ANKRD44: variants seen among roughly 807,000 people sequenced by gnomAD.
ANKRD44 encodes ankyrin repeat domain 44, also known as serine/threonine-protein phosphatase 6 regulatory ankyrin repeat subunit B.
ANKRD44 carries 35 observed loss-of-function variants against 116.0 expected under a neutral mutation model. The observed-to-expected ratio is 0.30, with a 90% CI of 0.23 to 0.40. The LOEUF is 0.40. ANKRD44 is among the 10% of genes least tolerant of loss of function. ANKRD44 has a pLI of 1.00. For synonymous variants in ANKRD44, 435 were observed against 461.8 expected (o/e 0.94, Z 0.74); for missense variants, 1,014 against 1,242.6 (o/e 0.82, Z 2.77).
intron 2 of ANKRD44, among the ~76,000 whole-genome samples, chr2:197,180,950 A>T (rs1367475915): frequency 1.8e-5 from 1 of 55,910 alleles, no homozygotes; most frequent in Non-Finnish European, 3.4e-5. Flanking sequence ...TCCCCTCATC[A>T]TATAGTGTCT....
intron 2 of ANKRD44, among the ~76,000 whole-genome samples, chr2:197,172,567 G>A (rs2080266012): frequency 6.6e-6 from 1 of 152,056 alleles, no homozygotes; most frequent in Non-Finnish European, 1.5e-5. Context: ...AGCAGGGCAG[G>A]AACCCTGTCC....
At chr2:197,018,591 C>T (rs369509731) in intron 17 of ANKRD44, among the ~76,000 whole-genome samples, 20 of 152,314 alleles carry the variant, frequency 1.3e-4, no homozygotes, top group African/African-American at 4.8e-4. Flanking sequence ...TCTTCTGCTT[C>T]ATAGCACAAA....
intron 3 of ANKRD44, among the ~76,000 whole-genome samples, chr2:197,139,801 T>C (rs2079312676): frequency 6.6e-6 from 1 of 151,974 alleles, no homozygotes; most frequent in South Asian, 2.1e-4. Context: ...ATTTGAAGTT[T>C]TATGTTTCTT....
intron 11 of ANKRD44, among the ~76,000 whole-genome samples, chr2:197,089,164 A>C (rs187392352): frequency 3.1e-4 from 47 of 152,302 alleles, no homozygotes; most frequent in Non-Finnish European, 5.4e-4. Context: ...TCTGAAGTGT[A>C]TTTCAACCTT....
rs1055370463 is a variant in ANKRD44 at position 197,081,720 on chromosome 2, G to A, written c.1463C>T (p.Thr488Ile). The A allele has an allele frequency of 3.9e-5, 63 of 1,612,338 alleles. No homozygotes were observed. The highest frequency in any genetic ancestry group is 5.0e-5 in the Non-Finnish European group (59 of 1,178,946). ...ATTATCATGGGCATTTCCTAAGATA[G>A]TCTTACTTCTCAGCATAAAGGATAG... ...AAASDMDRNKTILGNAHDNSE... is the reference protein window; with the variant it reads ...AAASDMDRNKIILGNAHDNSE... Residue 488 changes from threonine (T) to isoleucine (I), a missense_variant, in exon 15 of 28, where the codon ACT (threonine) becomes ATT (isoleucine). By Grantham distance (89) the Thr-to-Ile change is moderately conservative. Transcript: ENST00000282272.
At chr2:197,127,340 T>G (rs1055090113) in intron 4 of ANKRD44, among the ~76,000 whole-genome samples, 2 of 152,194 alleles carry the variant, frequency 1.3e-5, no homozygotes, top group African/African-American at 4.8e-5. Flanking sequence ...TAATAGAAAT[T>G]TAATATAATA....
intron 4 of ANKRD44, chr2:197,136,031 T>A (rs921616477): frequency 1.9e-5 from 3 of 157,438 alleles, no homozygotes; most frequent in African/African-American, 7.2e-5. Flanking sequence ...ACCACTCCCC[T>A]GCTGTGACCA....
chr2:197,053,335 C>T (rs959857862), intron 16 of ANKRD44, among the ~76,000 whole-genome samples: 1 of 152,132 alleles, frequency 6.6e-6, no homozygotes, highest in South Asian at 2.1e-4. Flanking sequence ...TTTCTATTTT[C>T]TTTTTATATT....
chr2:197,139,623 A>G (rs2079306517), intron 3 of ANKRD44, among the ~76,000 whole-genome samples: 1 of 151,822 alleles, frequency 6.6e-6, no homozygotes, highest in Non-Finnish European at 1.5e-5. Context: ...TTCCTTAAAA[A>G]TATATAGATA....
intron 20 of ANKRD44, among the ~76,000 whole-genome samples, chr2:197,006,632 G>C (rs1256322281): frequency 6.6e-6 from 1 of 152,182 alleles, no homozygotes; most frequent in East Asian, 1.9e-4. Flanking sequence ...GATAACAGAT[G>C]CAAAGGCTCT....
intron 1 of ANKRD44, among the ~76,000 whole-genome samples, chr2:197,226,345 A>G (rs2081712289): frequency 6.6e-6 from 1 of 152,204 alleles, no homozygotes; most frequent in Non-Finnish European, 1.5e-5. Flanking sequence ...CATTTAAATC[A>G]GATAGGGCCC....
At chr2:197,191,296 T>C (rs2080815673) in intron 1 of ANKRD44, among the ~76,000 whole-genome samples, 1 of 152,174 alleles carries the variant, frequency 6.6e-6, no homozygotes, top group Non-Finnish European at 1.5e-5. Context: ...AGCCCCCTAC[T>C]ACCTTTCCAG....
At chr2:197,027,221 G>C (rs1467712867) in intron 16 of ANKRD44, among the ~76,000 whole-genome samples, 1 of 152,078 alleles carries the variant, frequency 6.6e-6, no homozygotes, top group Non-Finnish European at 1.5e-5. Flanking sequence ...AATTAACCAA[G>C]TGTGGTGGTG....
At position 197,042,012 on chromosome 2, in the gene ANKRD44, A is replaced by C. The variant is rs1359056146; in HGVS notation, c.1651-16745T>G. ...AGCTATTTAATGGGTACATTAATGA[A>C]AAAAAAACATAAGAAAAATATGTTT... On this transcript the variant is annotated intron_variant, in intron 16 of 27. Transcript: ENST00000282272. Among the ~76,000 whole-genome samples the C allele has an allele frequency of 2.6e-5, 4 of 152,116 alleles. No individual in the cohort carries two copies. The East Asian group carries it at 7.7e-4, about 29-fold the overall frequency.
chr2:197,225,231 G>A (rs1310728357), intron 1 of ANKRD44, among the ~76,000 whole-genome samples: 1 of 152,156 alleles, frequency 6.6e-6, no homozygotes, highest in Non-Finnish European at 1.5e-5. Flanking sequence ...TTTGCTATTC[G>A]AGCGTAAACC....
chr2:196,981,540 C>T (rs2075801002), intron 21 of ANKRD44, among the ~76,000 whole-genome samples: 1 of 152,136 alleles, frequency 6.6e-6, no homozygotes, highest in South Asian at 2.1e-4. Context: ...GTGTGGGAGG[C>T]TGAGGCAGGT....
At chr2:197,064,391 G>A (rs563118285) in intron 16 of ANKRD44, among the ~76,000 whole-genome samples, 98 of 152,204 alleles carry the variant, frequency 6.4e-4, no homozygotes, top group African/African-American at 2.2e-3. Flanking sequence ...AAACTGCATC[G>A]ACTAACGAGC....
chr2:197,015,494 T>C (rs747449435), intron 17 of ANKRD44: 4 of 481,166 alleles, frequency 8.3e-6, no homozygotes, highest in Non-Finnish European at 1.5e-5. Context: ...ACCCATTCTA[T>C]ACAAGAGATG....
At chr2:197,148,060 C>A (rs528554271) in intron 2 of ANKRD44, among the ~76,000 whole-genome samples, 5 of 152,124 alleles carry the variant, frequency 3.3e-5, no homozygotes, top group African/African-American at 1.2e-4. Context: ...GGGAAAAAAG[C>A]GTTGCTTCCT....
Sources: gnomAD v4.1 joint callset for allele counts (sites outside exome capture counted in the v4.1 genomes callset) on GRCh38, gnomAD v4.1.1 for gene constraint, MANE v1.5 for transcripts, NCBI Gene and HGNC (gene_info 2026-07-23, HGNC 2026-07-21) for gene names.